The following ATP10D variants were observed in gnomAD, a reference collection of about 807,000 sequenced individuals.
ATP10D encodes phospholipid-transporting ATPase VD.
A neutral mutation model predicts 144.8 loss-of-function variants in ATP10D; 89 were observed. The observed-to-expected ratio is 0.61, with a 90% CI of 0.52 to 0.73. The LOEUF (loss-of-function observed/expected upper bound fraction) is 0.73, where lower values mean the gene tolerates loss of function less well. Ranked by LOEUF, ATP10D falls within the 30% of genes least tolerant of loss-of-function variation. The probability of loss-of-function intolerance (pLI) is 0.00; values close to 1 mark genes in which losing one functional copy is unlikely to be tolerated. For synonymous variants in ATP10D, 571 were observed against 615.1 expected, an observed-to-expected ratio of 0.93 and a Z score of 1.06; for missense variants, 1,603 against 1,714.8, an observed-to-expected ratio of 0.93 and a Z score of 1.15.
chr4:47,506,910 A>G (rs1330085092), intron 1 of ATP10D, among the ~76,000 whole-genome samples: 1 of 152,218 alleles, frequency 6.6e-6, no homozygotes, highest in Non-Finnish European at 1.5e-5. Flanking sequence ...GTTTCTAAAA[A>G]TGCTGCCCAT....
At chr4:47,507,960 G>A (rs183221605) in intron 1 of ATP10D, among the ~76,000 whole-genome samples, 3 of 152,296 alleles carry the variant, frequency 2.0e-5, no homozygotes. Flanking sequence ...GAGGTGCAAA[G>A]TGTACACTAT....
chr4:47,495,012 G>A (rs1715279691), intron 1 of ATP10D, among the ~76,000 whole-genome samples: 1 of 151,968 alleles, frequency 6.6e-6, no homozygotes. Flanking sequence ...TTATCTTTTG[G>A]TAAAAACAAG....
chr4:47,542,518 G>A (rs746629062), intron 9 of ATP10D, among the ~76,000 whole-genome samples: 2 of 151,950 alleles, frequency 1.3e-5, no homozygotes, highest in African/African-American at 2.4e-5. Flanking sequence ...GTCTAGTCTC[G>A]CCAGGTTGCA....
At chr4:47,575,518 C>T (rs1037536241) in intron 18 of ATP10D, among the ~76,000 whole-genome samples, 3 of 152,182 alleles carry the variant, frequency 2.0e-5, no homozygotes, top group African/African-American at 4.8e-5. Context: ...TCTGCTGGCA[C>T]CATTCCATTT....
intron 18 of ATP10D, among the ~76,000 whole-genome samples, chr4:47,576,272 A>G (rs1266606741): frequency 3.3e-5 from 5 of 152,096 alleles, no homozygotes; most frequent in Non-Finnish European, 5.9e-5. Flanking sequence ...TCCCAAAGGT[A>G]CCACCTCCTA....
At chr4:47,537,465 G>C (rs1717915152) in intron 9 of ATP10D, among the ~76,000 whole-genome samples, 1 of 152,052 alleles carries the variant, frequency 6.6e-6, no homozygotes, top group African/African-American at 2.4e-5. Context: ...GTTTATAAAA[G>C]AAATATGTGC....
chr4:47,567,199 T>A (rs939374379), intron 15 of ATP10D, among the ~76,000 whole-genome samples: 4 of 152,212 alleles, frequency 2.6e-5, no homozygotes. Context: ...ACATCTCAAG[T>A]ATTGTGAAAT....
chr4:47,515,427 G>T (rs781465717), intron 2 of ATP10D, 49 bp from the exon 3 acceptor site: 4 of 1,480,018 alleles, frequency 2.7e-6, no homozygotes, highest in Admixed American at 2.0e-5. Context: ...TCTGACATCA[G>T]TCCTTGAAGT....
intron 19 of ATP10D, among the ~76,000 whole-genome samples, chr4:47,577,902 A>G (rs1220380547): frequency 6.6e-6 from 1 of 152,244 alleles, no homozygotes; most frequent in Non-Finnish European, 1.5e-5. Context: ...AGTTTGTCCC[A>G]CGCCCCAGGC....
rs148176369 is a variant in ATP10D, at chr4:47,503,915, AAAAATAAAAT to A, written c.-37-8573_-37-8564del. Among the ~76,000 whole-genome samples the A allele has an allele frequency of 2.9e-3, 444 of 151,706 alleles. 3 individuals are homozygous for A. The highest frequency in any genetic ancestry group is 4.7e-3 in the Non-Finnish European group (321 of 67,858). On this transcript the variant is annotated intron_variant, in intron 1 of 22. Coordinates refer to ENST00000273859, the MANE Select transcript of ATP10D (RefSeq NM_020453.4). ...CCTGTCTAAAAAAAAATAATAAATA[AAAAATAAAAT>A]AAAATAAAATAAAATTAAGTACTTT...
intron 1 of ATP10D, among the ~76,000 whole-genome samples, chr4:47,486,897 T>A (rs1714789140): frequency 1.3e-5 from 2 of 152,188 alleles, no homozygotes; most frequent in Non-Finnish European, 1.5e-5. Context: ...TGACCCTGGC[T>A]TAGCAAAACC....
At position 47,591,498 on chromosome 4, in the gene ATP10D, C is replaced by G. The variant is rs1003883947; in HGVS notation, c.*117C>G. Reference sequence around the variant, plus strand: ...TAAGGGACATGAGCATTTTACTAGGCTTGGAAGAGCTGACATGATGAGCAT... The same window carrying G: ...TAAGGGACATGAGCATTTTACTAGGGTTGGAAGAGCTGACATGATGAGCAT... On this transcript the variant is annotated 3_prime_UTR_variant, in exon 23 of 23. Transcript: ENST00000273859. 5.0e-6 allele frequency: 4 copies of G among 794,192 alleles called. No individual in the cohort carries two copies. Among genetic ancestry groups the G allele is most frequent in the African/African-American group, 1.7e-5 (1 of 57,352 alleles). 49.2% of individuals were successfully genotyped at this position (794,192 alleles called of 1,614,324 possible).
chr4:47,579,143 A>G (rs980920204), intron 19 of ATP10D, among the ~76,000 whole-genome samples: 13 of 152,238 alleles, frequency 8.5e-5, no homozygotes, highest in Non-Finnish European at 1.6e-4. Context: ...ACACAGCCTC[A>G]GAATCCAACT....
At position 47,587,159 on chromosome 4, in the gene ATP10D, A is replaced by T. The variant is rs150993349; in HGVS notation, c.3894A>T (p.Val1298=). The T allele has an allele frequency of 3.1e-6, 5 of 1,613,952 alleles. No homozygotes were observed. The highest frequency in any genetic ancestry group is 4.2e-6 in the Non-Finnish European group (5 of 1,179,960). ...WIMQEHMLDP[V]FYLVCILTTS... The stretch of plus-strand genomic sequence containing the variant: ...TGCAGGAGCACATGCTGGATCCAGT[A>T]TTCTACTTAGTTTGTATCCTCACGA... The change falls in exon 22 of 23, where the codon GTA becomes GTT. Residue 1298 remains valine (V), a synonymous_variant. Transcript: ENST00000273859.
chr4:47,581,986 C>A lies in ATP10D; in HGVS notation c.3675C>A (p.Ile1225=). The change falls in exon 21 of 23, where the codon ATC becomes ATA. Residue 1225 remains isoleucine (I), a synonymous_variant. Coordinates refer to ENST00000273859, the MANE Select transcript of ATP10D (RefSeq NM_020453.4). ...YFTYQGSDTD[I]FAFGNPLNTA... ...CCTACCAGGGCTCAGATACTGACAT[C>A]TTTGCATTTGGAAACCCCCTGAACA... is the stretch of plus-strand genomic sequence containing the variant. The A allele has an allele frequency of 6.2e-7, 1 of 1,614,058 alleles. No homozygotes were observed. Among genetic ancestry groups the A allele is most frequent in the Non-Finnish European group, 8.5e-7 (1 of 1,179,932 alleles).
At chr4:47,510,461 T>C (rs964526961) in intron 1 of ATP10D, among the ~76,000 whole-genome samples, 35 of 152,190 alleles carry the variant, frequency 2.3e-4, no homozygotes, top group African/African-American at 7.2e-4. Context: ...TTTAAAGATA[T>C]TGAAAAGTCC....
intron 17 of ATP10D, among the ~76,000 whole-genome samples, chr4:47,572,644 C>CGT (rs72171059): frequency 0.048 from 6,986 of 145,156 alleles, 227 homozygotes; most frequent in East Asian, 0.18. Flanking sequence ...TTTGTGCGCA[C>CGT]GTGTGTGTGT....
chr4:47,505,662 G>A (rs1004581877), intron 1 of ATP10D, among the ~76,000 whole-genome samples: 3 of 151,964 alleles, frequency 2.0e-5, no homozygotes, highest in African/African-American at 7.3e-5. Context: ...CTTGAACCAG[G>A]GAGGCAGAGA....
intron 16 of ATP10D, among the ~76,000 whole-genome samples, chr4:47,570,093 G>C (rs1445019299): frequency 6.6e-6 from 1 of 152,168 alleles, no homozygotes; most frequent in Non-Finnish European, 1.5e-5. Flanking sequence ...CATGTTGGCT[G>C]TTCTGTCAGA....
Sources: gnomAD v4.1 joint callset for allele counts (sites outside exome capture counted in the v4.1 genomes callset) on GRCh38, gnomAD v4.1.1 for gene constraint, MANE v1.5 for transcripts, NCBI Gene and HGNC (gene_info 2026-07-23, HGNC 2026-07-21) for gene names.